Variants in ATG10 observed in about 807,000 individuals in gnomAD.
ATG10 encodes the protein ubiquitin-like-conjugating enzyme ATG10.
In ATG10, 30 loss-of-function variants were observed where a neutral mutation model predicts 32.1. The observed-to-expected ratio is 0.94, with a 90% CI of 0.70 to 1.27. ATG10 has a LOEUF of 1.27. ATG10 is among the 50% of genes most tolerant of loss of function. The pLI is 0.00. For synonymous variants in ATG10, 87 were observed against 91.5 expected (o/e 0.95, Z 0.28); for missense variants, 233 against 262.3 (o/e 0.89, Z 0.77).
chr5:82,094,028 CAT>C (rs1764973879), intron 3 of ATG10, among the ~76,000 whole-genome samples: 1 of 152,100 alleles, frequency 6.6e-6, no homozygotes, highest in East Asian at 1.9e-4. Flanking sequence ...TCCTTATACA[CAT>C]GAGCCGATCT....
chr5:82,218,402 T>G (rs1393309359), intron 5 of ATG10, among the ~76,000 whole-genome samples: 2 of 151,950 alleles, frequency 1.3e-5, no homozygotes, highest in African/African-American at 2.4e-5. Flanking sequence ...TCCTAGGGAG[T>G]TTTTTTTGTT....
intron 2 of ATG10, among the ~76,000 whole-genome samples, chr5:82,020,449 T>C (rs1762404230): frequency 6.6e-6 from 1 of 152,258 alleles, no homozygotes; most frequent in South Asian, 2.1e-4. Context: ...GCATCCCTAA[T>C]ATATCGGTGA....
At chr5:82,204,562 A>G (rs1034600768) in intron 5 of ATG10, among the ~76,000 whole-genome samples, 1 of 152,192 alleles carries the variant, frequency 6.6e-6, no homozygotes, top group Non-Finnish European at 1.5e-5. Context: ...CTGGCTATAG[A>G]ATGGAAATGA....
At chr5:82,208,148 T>G (rs931141159) in intron 5 of ATG10, among the ~76,000 whole-genome samples, 5 of 152,222 alleles carry the variant, frequency 3.3e-5, no homozygotes, top group African/African-American at 1.2e-4. Flanking sequence ...GGATCTGTTT[T>G]TGGATTCTCT....
chr5:82,086,959 A>G lies in ATG10; in HGVS notation c.216+28357A>G, dbSNP rs1219317470. 3.3e-4 allele frequency among the ~76,000 whole-genome samples: 50 copies of G among 152,186 alleles called. 1 individual carries two copies. Among genetic ancestry groups the G allele is most frequent in the Admixed American group, 3.3e-3 (50 of 15,264 alleles). ...ATCTGTATATTTGTAAGAGTTTTAG[A>G]GTCTAGATCGTATTTTGTTACAATG... is the stretch of plus-strand genomic sequence containing the variant. On this transcript the variant is annotated intron_variant, in intron 3 of 7. Coordinates refer to ENST00000282185, the MANE Select transcript of ATG10 (RefSeq NM_031482.5).
chr5:82,150,235 G>GT (rs540890795), intron 3 of ATG10, among the ~76,000 whole-genome samples: 217 of 141,676 alleles, frequency 1.5e-3, no homozygotes, highest in Middle Eastern at 3.7e-3. Context: ...TTCTGGAGTT[G>GT]TTTTTTTTTT....
At chr5:82,230,892 A>G (rs1746342846) in intron 5 of ATG10, among the ~76,000 whole-genome samples, 1 of 152,116 alleles carries the variant, frequency 6.6e-6, no homozygotes, top group Admixed American at 6.6e-5. Flanking sequence ...ATTATATATG[A>G]AATAATGTCA....
At chr5:82,228,840 A>G (rs1746237754) in intron 5 of ATG10, among the ~76,000 whole-genome samples, 1 of 152,216 alleles carries the variant, frequency 6.6e-6, no homozygotes, top group Non-Finnish European at 1.5e-5. Flanking sequence ...TTACAGGAGT[A>G]AGGACATAAG....
intron 2 of ATG10, among the ~76,000 whole-genome samples, chr5:82,041,662 T>C (rs1235224183): frequency 6.6e-6 from 1 of 152,194 alleles, no homozygotes; most frequent in Non-Finnish European, 1.5e-5. Context: ...TACAGCTGAA[T>C]TGCTTCAGGT....
intron 5 of ATG10, among the ~76,000 whole-genome samples, chr5:82,236,970 A>C (rs1746578580): frequency 6.6e-6 from 1 of 152,110 alleles, no homozygotes; most frequent in Non-Finnish European, 1.5e-5. Context: ...AGAGATGGAA[A>C]TCTGAACTGG....
chr5:82,187,265 C>T (rs1690507792), intron 5 of ATG10, among the ~76,000 whole-genome samples: 1 of 152,024 alleles, frequency 6.6e-6, no homozygotes, highest in Non-Finnish European at 1.5e-5. Context: ...AATCCCAGCA[C>T]TTTAGGAGGC....
chr5:82,196,373 T>C (rs921735902), intron 5 of ATG10, among the ~76,000 whole-genome samples: 2 of 152,126 alleles, frequency 1.3e-5, no homozygotes, highest in Non-Finnish European at 2.9e-5. Context: ...CTCACAAAAG[T>C]TTTTTATGTA....
At chr5:82,148,991 T>G (rs1392745110) in intron 3 of ATG10, among the ~76,000 whole-genome samples, 2 of 152,174 alleles carry the variant, frequency 1.3e-5, no homozygotes, top group African/African-American at 4.8e-5. Context: ...TTTCATCTAC[T>G]TTAGTTGTTC....
chr5:81,976,603 C>G (rs1449501411), intron 1 of ATG10, among the ~76,000 whole-genome samples: 2 of 152,196 alleles, frequency 1.3e-5, no homozygotes, highest in African/African-American at 4.8e-5. Context: ...TAAGGCTACT[C>G]CACTTTGACC....
At chr5:82,180,000 A>G (rs1196696934) in intron 5 of ATG10, among the ~76,000 whole-genome samples, 1 of 152,080 alleles carries the variant, frequency 6.6e-6, no homozygotes, top group Non-Finnish European at 1.5e-5. Flanking sequence ...ACGTGGAACA[A>G]TTAGTAAAGC....
intron 2 of ATG10, chr5:82,009,836 C>G (rs1404101219): frequency 1.2e-6 from 2 of 1,607,772 alleles, no homozygotes; most frequent in Admixed American, 3.3e-5. Context: ...GGATGAAGTT[C>G]TCATCTTCAA....
chr5:82,229,645 T>C (rs541540410), intron 5 of ATG10, among the ~76,000 whole-genome samples: 1 of 152,218 alleles, frequency 6.6e-6, no homozygotes, highest in East Asian at 1.9e-4. Flanking sequence ...TTATACAAAC[T>C]GGCACAGAAT....
intron 5 of ATG10, among the ~76,000 whole-genome samples, chr5:82,234,752 A>G (rs907427204): frequency 6.6e-6 from 1 of 152,178 alleles, no homozygotes; most frequent in African/African-American, 2.4e-5. Flanking sequence ...GTAAATGTTC[A>G]GTTCATACAC....
Position 82,103,535 on chromosome 5 carries a change from C to T in ATG10, c.216+44933C>T, listed in dbSNP as rs189688873. 3.6e-3 allele frequency among the ~76,000 whole-genome samples: 541 copies of T among 152,268 alleles called. 11 individuals carry two copies. Among genetic ancestry groups the T allele is most frequent in the Non-Finnish European group, 1.1e-3 (74 of 68,018 alleles). ...AACAGGTCTATTTCTTGTCTTACCT[C>T]CTGCCTGCTGCTTCCCACTTGTCCT... On this transcript the variant is annotated intron_variant, in intron 3 of 7. Transcript: ENST00000282185.
Sources: allele counts gnomAD v4.1 joint callset (sites outside exome capture counted in the v4.1 genomes callset), GRCh38; gene constraint gnomAD v4.1.1; transcripts MANE v1.5; gene names NCBI Gene and HGNC (gene_info 2026-07-23, HGNC 2026-07-21).